Variants in RBM6 observed in about 807,000 individuals in gnomAD.
RBM6 encodes RNA binding motif protein 6, also known as RNA-binding protein 6.
RBM6 carries 23 observed loss-of-function variants against 140.4 expected under a neutral mutation model. That is an observed-to-expected ratio of 0.16 (90% CI 0.12 to 0.23). The LOEUF (loss-of-function observed/expected upper bound fraction) is 0.23, where lower values mean the gene tolerates loss of function less well. Ranked by LOEUF, RBM6 falls within the 10% of genes least tolerant of loss-of-function variation. The pLI, the probability that RBM6 is intolerant of heterozygous loss-of-function variation, is 1.00. For synonymous variants in RBM6, 439 were observed against 475.6 expected (o/e 0.92, Z 1.00); for missense variants, 1,139 against 1,386.7 (o/e 0.82, Z 2.84).
intron 1 of RBM6, among the ~76,000 whole-genome samples, chr3:49,955,028 G>A (rs760583103): frequency 3.9e-5 from 6 of 151,974 alleles, no homozygotes; most frequent in Non-Finnish European, 8.8e-5. Flanking sequence ...CAAAGTGCTG[G>A]GATTACAGGC....
At chr3:49,956,328 C>CGGTTT in intron 1 of RBM6, among the ~76,000 whole-genome samples, 1 of 72,050 alleles carries the variant, frequency 1.4e-5, no homozygotes, top group African/African-American at 5.9e-5. Flanking sequence ...CCCTCCCCCG[C>CGGTTT]TTTTTTTTTT....
At chr3:49,981,427 C>A (rs1156886300) in intron 5 of RBM6, 1 of 152,116 alleles carries the variant, frequency 6.6e-6, no homozygotes, top group Admixed American at 6.6e-5. Flanking sequence ...TTTAAGAAGT[C>A]CTCCAGATAT....
At chr3:50,062,143 C>T (rs553399112) in intron 15 of RBM6, 35 bp downstream of exon 15, 6 of 1,597,548 alleles carry the variant, frequency 3.8e-6, no homozygotes, top group Non-Finnish European at 4.3e-6. Context: ...TCTTTTGCCA[C>T]ATAGTTATTA....
In RBM6 at chr3:49,982,248, A is replaced by ATTTCT. The variant is rs1467741375; in HGVS notation, c.1483+6870_1483+6874dup. 8.7e-3 allele frequency among the ~76,000 whole-genome samples: 834 copies of ATTTCT among 95,740 alleles called. 5 individuals carry two copies. The highest frequency in any genetic ancestry group is 0.01 in the African/African-American group (237 of 23,612). 62.8% of individuals were successfully genotyped at this position (95,740 alleles called of 152,430 possible). A position where few individuals can be genotyped will look rare whatever the true frequency, so the allele number is the denominator to read the frequency against. On this transcript the variant is annotated intron_variant, in intron 5 of 20. Transcript: ENST00000266022. ...GTAGCAAAGGCCCTGTACCTTCTGC[A>ATTTCT]TTTCTTTTCTTTTCTTTTTTTTTTT...
chr3:49,988,422 G>A (rs1428221527), intron 5 of RBM6, among the ~76,000 whole-genome samples: 1 of 151,710 alleles, frequency 6.6e-6, no homozygotes, highest in African/African-American at 2.4e-5. Flanking sequence ...GGAATTACAG[G>A]TGTGAGCCAG....
intron 6 of RBM6, among the ~76,000 whole-genome samples, chr3:50,045,604 G>A (rs367609467): frequency 2.0e-5 from 3 of 152,102 alleles, no homozygotes; most frequent in Non-Finnish European, 4.4e-5. Context: ...TGACCATTCC[G>A]TATGAAAGCT....
intron 6 of RBM6, among the ~76,000 whole-genome samples, chr3:50,021,841 A>C (rs1162521103): frequency 8.0e-6 from 1 of 125,352 alleles, no homozygotes; most frequent in Non-Finnish European, 1.6e-5. Flanking sequence ...CAACCTCTCT[A>C]CCTCCTGGGT....
rs541176722 is a variant in RBM6 at position 50,007,150 on chromosome 3, C to T, written c.1557+7637C>T. 4.0e-5 allele frequency among the ~76,000 whole-genome samples: 6 copies of T among 150,010 alleles called. No homozygotes were observed. The South Asian group carries it at 8.4e-4, about 21-fold the overall frequency. ...TTCTCATTTAGCCTGTTGATTGATA[C>T]GGATTATCAGGGGACTCCTTCCAGC... On this transcript the variant is annotated intron_variant, in intron 6 of 20. Transcript: ENST00000266022.
At chr3:50,059,562 C>A in intron 10 of RBM6, 87 bp from the exon 11 acceptor site, 1 of 1,061,824 alleles carries the variant, frequency 9.4e-7, no homozygotes, top group Non-Finnish European at 1.4e-6. Context: ...GGAAAATCCA[C>A]GTTCACTTCT....
chr3:49,959,754 T>G (rs2084197774), intron 1 of RBM6, among the ~76,000 whole-genome samples: 1 of 151,328 alleles, frequency 6.6e-6, no homozygotes, highest in South Asian at 2.1e-4. Flanking sequence ...GTATTTTTAG[T>G]AGAGACGGGG....
intron 5 of RBM6, among the ~76,000 whole-genome samples, chr3:49,980,355 G>A (rs967049744): frequency 2.6e-5 from 4 of 152,074 alleles, no homozygotes; most frequent in African/African-American, 4.8e-5. Flanking sequence ...TAGAAGTAAA[G>A]TACTGTGATG....
At chr3:49,963,111 C>CAAAAAAAAAAAAAACAAAAAAA (rs1219576596) in intron 2 of RBM6, 1 of 67,396 alleles carries the variant, frequency 1.5e-5, no homozygotes, top group African/African-American at 5.7e-5. Flanking sequence ...AAAACAAAAA[C>CAAAAAAAAAAAAAACAAAAAAA]AAAAAAAAAA....
At chr3:49,943,469 T>G (rs2083369649) in intron 1 of RBM6, among the ~76,000 whole-genome samples, 1 of 151,894 alleles carries the variant, frequency 6.6e-6, no homozygotes, top group Non-Finnish European at 1.5e-5. Flanking sequence ...ACCAGCTAAT[T>G]TTTTTGTTTA....
chr3:49,961,648 A>C (rs1303798094), intron 1 of RBM6, among the ~76,000 whole-genome samples: 4 of 151,636 alleles, frequency 2.6e-5, no homozygotes, highest in African/African-American at 9.7e-5. Flanking sequence ...AAAATACAAA[A>C]ATTAGCCGGG....
At chr3:50,067,837 T>C (rs34547603) in intron 17 of RBM6, among the ~76,000 whole-genome samples, 119 of 152,350 alleles carry the variant, frequency 7.8e-4, no homozygotes, top group Non-Finnish European at 1.3e-3. Context: ...CTCAAAGTTT[T>C]ATTTAGCTAA....
At chr3:50,041,364 A>G (rs1179843697) in intron 6 of RBM6, among the ~76,000 whole-genome samples, 1 of 152,218 alleles carries the variant, frequency 6.6e-6, no homozygotes, top group Non-Finnish European at 1.5e-5. Flanking sequence ...TAGAGCTGAC[A>G]TAGGGCATTC....
At chr3:49,958,559 G>A (rs1374904657) in intron 1 of RBM6, among the ~76,000 whole-genome samples, 1 of 150,874 alleles carries the variant, frequency 6.6e-6, no homozygotes, top group Non-Finnish European at 1.5e-5. Context: ...CTGGGAGACA[G>A]CAAGACTCTG....
chr3:50,041,434 T>C (rs1396532366), intron 6 of RBM6, among the ~76,000 whole-genome samples: 1 of 152,240 alleles, frequency 6.6e-6, no homozygotes, highest in African/African-American at 2.4e-5. Flanking sequence ...TTCCCTCTTC[T>C]ATCTCATTTT....
chr3:49,958,280 G>T (rs2084100864), intron 1 of RBM6, among the ~76,000 whole-genome samples: 2 of 151,862 alleles, frequency 1.3e-5, no homozygotes, highest in African/African-American at 4.8e-5. Flanking sequence ...AAAAGGCCGG[G>T]TGCGGTGGCT....
Sources: gnomAD v4.1 joint callset for allele counts (sites outside exome capture counted in the v4.1 genomes callset) on GRCh38, gnomAD v4.1.1 for gene constraint, MANE v1.5 for transcripts, NCBI Gene and HGNC (gene_info 2026-07-23, HGNC 2026-07-21) for gene names.